Variants in AP2B1 observed in about 807,000 individuals in gnomAD.
AP2B1 encodes adaptor related protein complex 2 subunit beta 1.
AP2B1 carries 23 observed loss-of-function variants against 102.0 expected under a neutral mutation model. The observed-to-expected ratio is 0.23, with a 90% CI of 0.16 to 0.32. The LOEUF (loss-of-function observed/expected upper bound fraction) is 0.32. AP2B1 is among the 10% of genes least tolerant of loss of function. The pLI, the probability that AP2B1 is intolerant of heterozygous loss-of-function variation, is 1.00. For missense variants in AP2B1, 541 were observed against 1,157.4 expected, an observed-to-expected ratio of 0.47 and a Z score of 7.73; for synonymous variants, 381 against 421.2, an observed-to-expected ratio of 0.90 and a Z score of 1.17.
At chr17:35,694,732 A>G (rs2076108241) in intron 18 of AP2B1, among the ~76,000 whole-genome samples, 1 of 152,128 alleles carries the variant, frequency 6.6e-6, no homozygotes, top group Non-Finnish European at 1.5e-5. Flanking sequence ...AATACAAAAA[A>G]GTTAGCTGGG....
intron 5 of AP2B1, among the ~76,000 whole-genome samples, 182 bp from the exon 6 acceptor site, chr17:35,624,212 TATA>T (rs1472309711): frequency 6.6e-6 from 1 of 152,242 alleles, no homozygotes; most frequent in Non-Finnish European, 1.5e-5. Context: ...TACCACTATA[TATA>T]ATATCATTGG....
At chr17:35,703,030 T>TGGGA (rs374309277) in intron 18 of AP2B1, among the ~76,000 whole-genome samples, 45 of 151,480 alleles carry the variant, frequency 3.0e-4, no homozygotes, top group African/African-American at 1.1e-3. Context: ...CCCAGCACTT[T>TGGGA]GGGAGGCCGA....
intron 5 of AP2B1, among the ~76,000 whole-genome samples, chr17:35,623,446 C>T (rs893794966): frequency 1.3e-5 from 2 of 152,156 alleles, no homozygotes; most frequent in Admixed American, 1.3e-4. Flanking sequence ...CACCTGTAGT[C>T]CCAGCTACTT....
intron 14 of AP2B1, among the ~76,000 whole-genome samples, chr17:35,658,094 T>G (rs530484333): frequency 3.9e-5 from 6 of 152,186 alleles, no homozygotes; most frequent in African/African-American, 7.2e-5. Context: ...TTCCAGAGTT[T>G]ATTATTGTTC....
rs1462810238 is a variant in AP2B1, at chr17:35,682,761, T to C, written c.2391T>C (p.Asp797=). 9 of 1,613,076 alleles carry C rather than the reference T, an allele frequency of 5.6e-6. No individual in the cohort carries two copies. The highest frequency in any genetic ancestry group is 6.8e-6 in the Non-Finnish European group (8 of 1,179,300). Residue 797 remains aspartate, a synonymous_variant, in exon 18 of 22, where the codon GAT becomes GAC. Coordinates refer to ENST00000610402, the MANE Select transcript of AP2B1 (RefSeq NM_001030006.2). The part of the protein sequence containing the change: ...HTPLMPNQSI[D]VSLPLNTLGP... ...CACTGATGCCAAACCAGAGCATTGA[T>C]GTCTCCCTGCCTCTCAATACCTTGG...
At chr17:35,609,433 G>A (rs75791497) in intron 5 of AP2B1, among the ~76,000 whole-genome samples, 3,647 of 150,698 alleles carry the variant, frequency 0.024, 132 homozygotes, top group East Asian at 0.19. Context: ...TGCAAGCTCC[G>A]CCTTCCAGGT....
At chr17:35,637,845 C>T (rs944882296) in intron 10 of AP2B1, among the ~76,000 whole-genome samples, 5 of 151,630 alleles carry the variant, frequency 3.3e-5, no homozygotes, top group Non-Finnish European at 7.4e-5. Context: ...CCACCACACC[C>T]GGCTAATTTT....
intron 13 of AP2B1, 115 bp downstream of exon 13, chr17:35,650,904 G>T: frequency 8.0e-7 from 1 of 1,243,876 alleles, no homozygotes. Context: ...GCTTCTTTAT[G>T]CTTTTATAGT....
chr17:35,722,723 A>G (rs1208750124), intron 21 of AP2B1, among the ~76,000 whole-genome samples: 3 of 152,164 alleles, frequency 2.0e-5, no homozygotes, highest in Non-Finnish European at 4.4e-5. Flanking sequence ...GCCCTAATTA[A>G]CAAGAGGAAT....
chr17:35,650,469 T>A, intron 12 of AP2B1, 61 bp from the exon 13 acceptor site: 3 of 1,567,436 alleles, frequency 1.9e-6, no homozygotes, highest in Non-Finnish European at 2.6e-6. Context: ...AATCCAGCAG[T>A]TTGGGTTTCT....
chr17:35,649,270 A>C (rs564438504), intron 12 of AP2B1, among the ~76,000 whole-genome samples: 1 of 151,950 alleles, frequency 6.6e-6, no homozygotes, highest in Non-Finnish European at 1.5e-5. Context: ...GCAGTTAAAA[A>C]AAATTTCTTT....
chr17:35,682,772 C>T lies in AP2B1; in HGVS notation c.2402C>T (p.Pro801Leu), dbSNP rs928540729. The part of the protein sequence containing the change: ...MPNQSIDVSL[P>L]LNTLGPVMKM... ...AACCAGAGCATTGATGTCTCCCTGC[C>T]TCTCAATACCTTGGGCCCAGTCATG... The change falls in exon 18 of 22, where the codon CCT becomes CTT. Residue 801 changes from proline (P) to leucine (L), a missense_variant. Around this residue, in one of 10 missense-constraint regions of AP2B1, gnomAD observed 117 missense variants for 206.7 expected, o/e 0.57. Transcript: ENST00000610402. 3.1e-6 allele frequency: 5 copies of T among 1,612,960 alleles called. No homozygotes were observed. The highest frequency in any genetic ancestry group is 3.4e-6 in the Non-Finnish European group (4 of 1,179,272).
chr17:35,653,507 T>A (rs548583739), intron 13 of AP2B1, among the ~76,000 whole-genome samples: 1 of 152,294 alleles, frequency 6.6e-6, no homozygotes, highest in South Asian at 2.1e-4. Context: ...GGACTGTCAT[T>A]CTATAGCCCA....
intron 18 of AP2B1, among the ~76,000 whole-genome samples, chr17:35,684,500 GC>G (rs941523359): frequency 4.0e-4 from 61 of 152,276 alleles, no homozygotes; most frequent in African/African-American, 1.3e-3. Context: ...AGGCCTGTTT[GC>G]CAGTTCACTA....
At chr17:35,650,815 G>A in intron 13 of AP2B1, 26 bp downstream of exon 13, 4 of 1,608,268 alleles carry the variant, frequency 2.5e-6, no homozygotes, top group Non-Finnish European at 2.6e-6. Context: ...CTGTCTCTGA[G>A]TGAGAAATGA....
rs1050145006 is a variant in AP2B1 at position 35,607,865 on chromosome 17, C to T, written c.280-277C>T. Reference sequence around the variant, plus strand: ...AGATCCTAATGGCTGTGGGATGGTACGAACTCCCTAAACCTCTGCCTGGCA... The same window carrying T: ...AGATCCTAATGGCTGTGGGATGGTATGAACTCCCTAAACCTCTGCCTGGCA... On this transcript the variant is annotated intron_variant, in intron 4 of 21. Transcript: ENST00000610402. 7 of 315,626 alleles carry T rather than the reference C, an allele frequency of 2.2e-5. 1 individual carries two copies. Among genetic ancestry groups the T allele is most frequent in the South Asian group, 1.3e-4 (3 of 22,728 alleles). 19.6% of individuals were successfully genotyped at this position (315,626 alleles called of 1,614,324 possible). A position where few individuals can be genotyped will look rare whatever the true frequency, so the allele number is the denominator to read the frequency against.
At chr17:35,677,262 A>G (rs1191488194) in intron 17 of AP2B1, among the ~76,000 whole-genome samples, 2 of 152,200 alleles carry the variant, frequency 1.3e-5, no homozygotes, top group East Asian at 3.8e-4. Context: ...GGTATGGGAA[A>G]TACAGGCATG....
At chr17:35,589,924 CTT>C (rs71366465) in intron 1 of AP2B1, among the ~76,000 whole-genome samples, 6 of 119,456 alleles carry the variant, frequency 5.0e-5, no homozygotes, top group Non-Finnish European at 6.9e-5. Flanking sequence ...TCTGTAACTT[CTT>C]TTTTTTTTTT....
At chr17:35,707,114 A>G (rs904618877) in intron 18 of AP2B1, among the ~76,000 whole-genome samples, 1 of 151,722 alleles carries the variant, frequency 6.6e-6, no homozygotes, top group Non-Finnish European at 1.5e-5. Flanking sequence ...AATCTTTGAA[A>G]GTAGTGCTCT....
Sources: allele counts gnomAD v4.1 joint callset (sites outside exome capture counted in the v4.1 genomes callset), GRCh38; gene constraint gnomAD v4.1.1; regional missense constraint gnomAD v4.1.1; transcripts MANE v1.5; gene names NCBI Gene and HGNC (gene_info 2026-07-23, HGNC 2026-07-21).